The following TLN1 variants were observed in gnomAD, a reference collection of about 807,000 sequenced individuals.
The protein encoded by TLN1 is talin-1.
TLN1 carries 56 observed loss-of-function variants against 292.3 expected under a neutral mutation model. The observed-to-expected ratio is 0.19, with a 90% CI of 0.15 to 0.24. The LOEUF (loss-of-function observed/expected upper bound fraction) is 0.24, where lower values mean the gene tolerates loss of function less well. TLN1 is among the 10% of genes least tolerant of loss of function. The pLI is 1.00. For missense variants in TLN1, 2,433 were observed against 3,248.2 expected, an observed-to-expected ratio of 0.75 and a Z score of 6.10; for synonymous variants, 1,119 against 1,253.7, an observed-to-expected ratio of 0.89 and a Z score of 2.27.
At position 35,699,436 on chromosome 9, in the gene TLN1, A is replaced by G; in HGVS notation, c.6794T>C (p.Leu2265Pro). 1 of 1,613,830 alleles carries G rather than the reference A, an allele frequency of 6.2e-7. No homozygotes were observed. The highest frequency in any genetic ancestry group is 8.5e-7 in the Non-Finnish European group (1 of 1,179,846). Residue 2265 changes from leucine to proline, a missense_variant, in exon 51 of 57, where the codon CTG becomes CCG. Leu to Pro is a moderately conservative substitution (Grantham distance 98). Transcript: ENST00000314888. This position sits in a 1 kb window ranked among gnomAD's most constrained non-coding sequence, Gnocchi z 4.0. ...TGAATGTCCTGTCAACTGCTGCTTC[A>G]GTTCTGGGCTTGGCTTCTGCAGGGT... ...LLTLQKPSPE[L>P]KQQLTGHSKR...
Position 35,699,131 on chromosome 9 carries a change from G to T in TLN1, c.6900C>A (p.Asp2300Glu). The T allele has an allele frequency of 1.2e-6, 2 of 1,612,926 alleles. No individual in the cohort carries two copies. Among genetic ancestry groups the T allele is most frequent in the Non-Finnish European group, 1.7e-6 (2 of 1,179,262 alleles). Residue 2300 changes from aspartate to glutamate, a missense_variant, in exon 52 of 57, where the codon GAC (aspartate) becomes GAA (glutamate). By Grantham distance (45) the Asp-to-Glu change is conservative. Transcript: ENST00000314888. The surrounding 1 kb of genome is among the most constrained non-coding windows in gnomAD (Gnocchi z 4.0). Reference sequence around the variant, plus strand: ...GCTCATTCTCAGCAATGACTGTGGGGTCCTCTGGGTCTACCCATTCTGTTC... The same window carrying T: ...GCTCATTCTCAGCAATGACTGTGGGTTCCTCTGGGTCTACCCATTCTGTTC... ...MKGTEWVDPE[D>E]PTVIAENELL... is the part of the protein sequence containing the mutation.
intron 1 of TLN1, among the ~76,000 whole-genome samples, chr9:35,728,424 G>A (rs1017591432): frequency 6.6e-6 from 1 of 152,058 alleles, no homozygotes; most frequent in Admixed American, 6.6e-5. Context: ...TGACATATCC[G>A]GCCTCAGGCT....
intron 1 of TLN1, among the ~76,000 whole-genome samples, chr9:35,727,892 C>T (rs1826005362): frequency 6.6e-6 from 1 of 152,174 alleles, no homozygotes; most frequent in Non-Finnish European, 1.5e-5. Flanking sequence ...AGTGGATATT[C>T]ACACAGCTAC....
rs373264055 is a variant in TLN1, at chr9:35,720,931, G to C, written c.1105-18C>G. The C allele has an allele frequency of 6.3e-7, 1 of 1,583,878 alleles. No individual in the cohort carries two copies. Among genetic ancestry groups the C allele is most frequent in the South Asian group, 1.1e-5 (1 of 90,374 alleles). The stretch of plus-strand genomic sequence containing the variant: ...CCAAAATCCTAGGGTGACAAGTGGG[G>C]GACTCAGAGGGAAAGCTCAAATCTA... On this transcript the variant is annotated intron_variant, in intron 10 of 56. Transcript: ENST00000314888.
In TLN1 at chr9:35,725,616, C is replaced by A; in HGVS notation, c.79G>T (p.Asp27Tyr). ...MQFEPSTMVY[D>Y]ACRIIRERIP... Reference sequence around the variant, plus strand: ...CGCTCACGAATGATGCGGCAGGCGTCGTACACCATGGTAGACGGCTCAAAC... The same window carrying A: ...CGCTCACGAATGATGCGGCAGGCGTAGTACACCATGGTAGACGGCTCAAAC... The change falls in exon 2 of 57, where the codon GAC becomes TAC. Residue 27 changes from aspartate to tyrosine, a missense_variant. By Grantham distance (160) the Asp-to-Tyr change is radical. Coordinates refer to ENST00000314888, the MANE Select transcript of TLN1 (RefSeq NM_006289.4). 6.2e-7 allele frequency: 1 copy of A among 1,613,854 alleles called. No individual in the cohort carries two copies. The highest frequency in any genetic ancestry group is 1.1e-5 in the South Asian group (1 of 91,054).
chr9:35,705,858 G>A lies in TLN1; in HGVS notation c.5512-7C>T. ...CCATTGGTCCTTCATCTAGCTGAGG[G>A]GGGAGGATAGGGAAAGGGAAAGACT... On this transcript the variant is annotated splice_region_variant and splice_polypyrimidine_tract_variant and intron_variant, in intron 41 of 56. Transcript: ENST00000314888. 2 of 1,614,206 alleles carry A rather than the reference G, an allele frequency of 1.2e-6. No homozygotes were observed. The highest frequency in any genetic ancestry group is 1.7e-6 in the Non-Finnish European group (2 of 1,180,034).
chr9:35,700,105 C>T (rs1238236644), intron 49 of TLN1, 24 bp from the exon 50 acceptor site: 1 of 1,601,882 alleles, frequency 6.2e-7, no homozygotes, highest in Non-Finnish European at 8.5e-7. Context: ...AATATGTTAG[C>T]TTTAGGCCCC....
chr9:35,701,743 C>T (rs1825470701), intron 48 of TLN1, among the ~76,000 whole-genome samples: 1 of 152,010 alleles, frequency 6.6e-6, no homozygotes, highest in Admixed American at 6.6e-5. Context: ...AAAAAATGAG[C>T]TGTATTTGGA....
Position 35,714,560 on chromosome 9 carries a change from A to AG in TLN1, c.2985+13dup, listed in dbSNP as rs1163485699. On this transcript the variant is annotated intron_variant, in intron 23 of 56. Coordinates refer to ENST00000314888, the MANE Select transcript of TLN1 (RefSeq NM_006289.4). This position sits in a 1 kb window ranked among gnomAD's most constrained non-coding sequence, Gnocchi z 4.6. ...GGAAGGTCAGGTCAGAGAAGTGCAG[A>AG]GGGGGTGCCTTGCCTGCAGGAAGCT... 1 of 1,606,584 alleles carries AG rather than the reference A, an allele frequency of 6.2e-7. No individual in the cohort carries two copies. Among genetic ancestry groups the AG allele is most frequent in the Non-Finnish European group, 8.5e-7 (1 of 1,179,644 alleles).
intron 10 of TLN1, among the ~76,000 whole-genome samples, 180 bp downstream of exon 10, chr9:35,721,468 C>T (rs536725376): frequency 2.3e-4 from 35 of 152,270 alleles, no homozygotes; most frequent in Non-Finnish European, 4.1e-4. Context: ...AAGAATAAGT[C>T]CATCATCCGT....
Position 35,707,740 on chromosome 9 carries a change from C to T in TLN1, c.4623G>A (p.Lys1541=). 2 of 1,614,148 alleles carry T rather than the reference C, an allele frequency of 1.2e-6. No individual in the cohort carries two copies. The highest frequency in any genetic ancestry group is 1.7e-6 in the Non-Finnish European group (2 of 1,180,026). The change falls in exon 35 of 57, where the codon AAG becomes AAA. Residue 1541 remains lysine, a synonymous_variant. Coordinates refer to ENST00000314888, the MANE Select transcript of TLN1 (RefSeq NM_006289.4). This position sits in a 1 kb window ranked among gnomAD's most constrained non-coding sequence, Gnocchi z 5.6. ...TTCAAGCAATGGGAACCTTGATGGT[C>T]TTGACAAGATTAGCTGTGCTGTTGG... The part of the protein sequence containing the change: ...EVANSTANLV[K]TIKALDGAFT...
In TLN1 at chr9:35,699,541, C is replaced by A; in HGVS notation, c.6769-80G>T. ...ATCTATGAAATAGGGCAGACCATGG[C>A]CCCCTCACCCCTATCCCTAGAGCAC... On this transcript the variant is annotated intron_variant, in intron 50 of 56. Coordinates refer to ENST00000314888, the MANE Select transcript of TLN1 (RefSeq NM_006289.4). This position sits in a 1 kb window ranked among gnomAD's most constrained non-coding sequence, Gnocchi z 4.0. 2 of 1,500,930 alleles carry A rather than the reference C, an allele frequency of 1.3e-6. 1 individual carries two copies. The highest frequency in any genetic ancestry group is 2.6e-5 in the South Asian group (2 of 75,788). 93.0% of individuals were successfully genotyped at this position (1,500,930 alleles called of 1,614,324 possible).
Position 35,700,429 on chromosome 9 carries a change from A to G in TLN1, c.6475-53T>C. The G allele has an allele frequency of 2.6e-6, 4 of 1,536,344 alleles. No homozygotes were observed. The South Asian group carries it at 3.6e-5, about 14-fold the overall frequency. On this transcript the variant is annotated intron_variant, in intron 48 of 56. Coordinates refer to ENST00000314888, the MANE Select transcript of TLN1 (RefSeq NM_006289.4). The stretch of plus-strand genomic sequence containing the variant: ...TTTACAGTGGCTGAGACTATGAGAC[A>G]GCGTAGAACTCTGTGTGCATGTGAT...
At position 35,707,582 on chromosome 9, in the gene TLN1, T is replaced by G. The variant is rs968072662; in HGVS notation, c.4633-94A>C. The stretch of plus-strand genomic sequence containing the variant: ...GTCTCCTTCCTGGGACTTACAGGAT[T>G]TGGGGAGAGGCTAGGTGGTCAGTCT... On this transcript the variant is annotated intron_variant, in intron 35 of 56. Coordinates refer to ENST00000314888, the MANE Select transcript of TLN1 (RefSeq NM_006289.4). The surrounding 1 kb of genome is among the most constrained non-coding windows in gnomAD (Gnocchi z 5.6). 1 of 1,576,466 alleles carries G rather than the reference T, an allele frequency of 6.3e-7. No homozygotes were observed. The highest frequency in any genetic ancestry group is 8.6e-7 in the Non-Finnish European group (1 of 1,156,976).
Position 35,697,619 on chromosome 9 carries a change from G to C in TLN1, c.*172C>G, listed in dbSNP as rs1323733985. 1.1e-6 allele frequency: 1 copy of C among 930,568 alleles called. No homozygotes were observed. Among genetic ancestry groups the C allele is most frequent in the East Asian group, 2.5e-5 (1 of 39,662 alleles). The allele number at this position is 930,568 out of a possible 1,614,324, so 57.6% of individuals were successfully genotyped here. A position where few individuals can be genotyped will look rare whatever the true frequency, so the allele number is the denominator to read the frequency against. On this transcript the variant is annotated 3_prime_UTR_variant, in exon 57 of 57. Transcript: ENST00000314888. ...CTAGGGCATGAAGGCACTTGGGGTT[G>C]GGGAGGGGACAGGGGATGTACTGCG... is the stretch of plus-strand genomic sequence containing the variant.
intron 43 of TLN1, 26 bp downstream of exon 43, chr9:35,705,525 C>A (rs754127389): frequency 6.5e-7 from 1 of 1,549,926 alleles, no homozygotes; most frequent in Non-Finnish European, 8.7e-7. Flanking sequence ...GGGCAGGGGG[C>A]AGGGCAGAGT....
intron 1 of TLN1, among the ~76,000 whole-genome samples, chr9:35,728,451 G>A (rs900490809): frequency 2.6e-5 from 4 of 152,128 alleles, no homozygotes; most frequent in African/African-American, 9.7e-5. Context: ...GACTCATTTA[G>A]AGCTGGACTG....
chr9:35,719,296 GAGAA>G lies in TLN1; in HGVS notation c.1688-18_1688-15del. 6.2e-7 allele frequency: 1 copy of G among 1,608,400 alleles called. No individual in the cohort carries two copies. Among genetic ancestry groups the G allele is most frequent in the Non-Finnish European group, 8.5e-7 (1 of 1,176,134 alleles). ...CAGCAGGGTCCCCTAAGGGGAAAAGGAGAAAGAGGAACATGAGAGACAGGGCAGG... is the reference window on the plus strand; with the variant it reads ...CAGCAGGGTCCCCTAAGGGGAAAAGGAGAGGAACATGAGAGACAGGGCAGG... On this transcript the variant is annotated splice_polypyrimidine_tract_variant and intron_variant, in intron 15 of 56. Coordinates refer to ENST00000314888, the MANE Select transcript of TLN1 (RefSeq NM_006289.4). The surrounding 1 kb of genome is among the most constrained non-coding windows in gnomAD (Gnocchi z 4.6).
At position 35,707,414 on chromosome 9, in the gene TLN1, C is replaced by T; in HGVS notation, c.4707G>A (p.Val1569=). 1 of 1,614,148 alleles carries T rather than the reference C, an allele frequency of 6.2e-7. No individual in the cohort carries two copies. The highest frequency in any genetic ancestry group is 8.5e-7 in the Non-Finnish European group (1 of 1,180,044). ...TGGACGCAAAGGCACTCAGATTGTC[C>T]ACAGCCTCCAGCAGAGGGGCTGTTG... ...RAATAPLLEA[V]DNLSAFASNP... The change falls in exon 36 of 57, where the codon GTG becomes GTA. Residue 1569 remains valine (V), a synonymous_variant. Coordinates refer to ENST00000314888, the MANE Select transcript of TLN1 (RefSeq NM_006289.4). The surrounding 1 kb of genome is among the most constrained non-coding windows in gnomAD (Gnocchi z 5.6).
Sources: gnomAD v4.1 joint callset for allele counts (sites outside exome capture counted in the v4.1 genomes callset) on GRCh38, gnomAD v4.1.1 for gene constraint, Gnocchi (gnomAD v3.1) non-coding constraint, MANE v1.5 for transcripts, NCBI Gene and HGNC (gene_info 2026-07-23, HGNC 2026-07-21) for gene names.